FOXJ3: variants seen among roughly 807,000 people sequenced by gnomAD.
The protein encoded by FOXJ3 is forkhead box protein J3.
In FOXJ3, 22 loss-of-function variants were observed where a neutral mutation model predicts 76.1. The observed-to-expected ratio is 0.29, with a 90% confidence interval of 0.21 to 0.41. The LOEUF (loss-of-function observed/expected upper bound fraction) is 0.41. Among genes scored for constraint, FOXJ3 ranks in the 10% least tolerant of loss-of-function variants. The pLI, the probability that FOXJ3 is intolerant of heterozygous loss-of-function variation, is 1.00. For missense variants in FOXJ3, 613 were observed against 762.1 expected, an observed-to-expected ratio of 0.80 and a Z score of 2.30; for synonymous variants, 269 against 261.2, an observed-to-expected ratio of 1.03 and a Z score of -0.29.
At chr1:42,217,421 C>T (rs1193557274) in intron 5 of FOXJ3, among the ~76,000 whole-genome samples, 1 of 151,834 alleles carries the variant, frequency 6.6e-6, no homozygotes, top group East Asian at 1.9e-4. Flanking sequence ...CCCAGCTACT[C>T]GGGAGGCTGA....
intron 5 of FOXJ3, among the ~76,000 whole-genome samples, chr1:42,206,485 G>A (rs956679480): frequency 6.6e-6 from 1 of 152,160 alleles, no homozygotes; most frequent in African/African-American, 2.4e-5. Context: ...ACATCTGAAT[G>A]ACCCTGTGAA....
At chr1:42,261,920 CTCTCAAGGAAGACTGATAT>C (rs1651069906) in intron 4 of FOXJ3, among the ~76,000 whole-genome samples, 1 of 152,170 alleles carries the variant, frequency 6.6e-6, no homozygotes, top group South Asian at 2.1e-4. Context: ...TTTGGTCTCC[CTCTCAAGGAAGACTGATAT>C]CATGGAAAAA....
intron 1 of FOXJ3, among the ~76,000 whole-genome samples, chr1:42,329,973 T>C (rs1279581497): frequency 6.6e-6 from 1 of 152,204 alleles, no homozygotes; most frequent in African/African-American, 2.4e-5. Flanking sequence ...CCTGGCTCTT[T>C]CCATTCCTAG....
intron 1 of FOXJ3, among the ~76,000 whole-genome samples, chr1:42,314,104 A>T (rs2124763048): frequency 6.6e-6 from 1 of 152,298 alleles, no homozygotes; most frequent in South Asian, 2.1e-4. Context: ...TTGTTAGAGC[A>T]GACTAATTTT....
At chr1:42,217,087 A>G (rs1356870950) in intron 5 of FOXJ3, among the ~76,000 whole-genome samples, 1 of 152,236 alleles carries the variant, frequency 6.6e-6, no homozygotes, top group Non-Finnish European at 1.5e-5. Context: ...AACTGTCTCT[A>G]TTTGCAGATG....
At chr1:42,207,014 A>T (rs560104379) in intron 5 of FOXJ3, among the ~76,000 whole-genome samples, 1 of 152,158 alleles carries the variant, frequency 6.6e-6, no homozygotes, top group Admixed American at 6.5e-5. Context: ...TACTTTTAGT[A>T]GAGACAGGGT....
intron 4 of FOXJ3, among the ~76,000 whole-genome samples, chr1:42,230,565 G>A (rs1354314528): frequency 2.6e-5 from 4 of 152,250 alleles, no homozygotes; most frequent in Non-Finnish European, 4.4e-5. Flanking sequence ...ATAATTTTCT[G>A]CATGAAAACA....
In FOXJ3 at chr1:42,278,714, C is replaced by A. The variant is rs771581717; in HGVS notation, c.45-42G>T. 5 of 1,368,840 alleles carry A rather than the reference C, an allele frequency of 3.7e-6. No individual in the cohort carries two copies. The Admixed American group carries it at 6.1e-5, about 17-fold the overall frequency. The allele number at this position is 1,368,840 out of a possible 1,614,324, so 84.8% of individuals were successfully genotyped here. A position where few individuals can be genotyped will look rare whatever the true frequency, so the allele number is the denominator to read the frequency against. ...TCCTTAGTCAATATCAAGGAAAGAA[C>A]CCCTGCTTCTCAAAATATCCAATAT... On this transcript the variant is annotated intron_variant, in intron 2 of 12. Coordinates refer to ENST00000361346, the MANE Select transcript of FOXJ3 (RefSeq NM_014947.5).
At chr1:42,319,679 C>T (rs929965726) in intron 1 of FOXJ3, among the ~76,000 whole-genome samples, 5 of 152,114 alleles carry the variant, frequency 3.3e-5, no homozygotes, top group Non-Finnish European at 5.9e-5. Flanking sequence ...TATATCTCAA[C>T]AAAGCAGTTA....
intron 3 of FOXJ3, among the ~76,000 whole-genome samples, chr1:42,271,140 G>GT (rs1351973039): frequency 2.0e-5 from 3 of 151,938 alleles, no homozygotes; most frequent in Admixed American, 6.6e-5. Context: ...TGATTTCTTT[G>GT]TAACTATTTT....
intron 2 of FOXJ3, among the ~76,000 whole-genome samples, chr1:42,288,795 T>A (rs1653230113): frequency 6.6e-6 from 1 of 152,082 alleles, no homozygotes; most frequent in African/African-American, 2.4e-5. Flanking sequence ...GAGATGAGAA[T>A]CCAGCTGTCT....
intron 1 of FOXJ3, among the ~76,000 whole-genome samples, chr1:42,330,134 G>T (rs1181626143): frequency 6.6e-6 from 1 of 152,150 alleles, no homozygotes; most frequent in African/African-American, 2.4e-5. Context: ...ATTAAGGGTT[G>T]TAAGATATGG....
rs375042688 is a variant in FOXJ3, at chr1:42,199,176, T to C, written c.685A>G (p.Asn229Asp). The C allele has an allele frequency of 6.8e-6, 11 of 1,612,986 alleles. No homozygotes were observed. In the African/African-American group the frequency reaches 8.0e-5, roughly 12 times the overall value. The change falls in exon 7 of 13, where the codon AAC (asparagine) becomes GAC (aspartate). Residue 229 changes from asparagine to aspartate, a missense_variant. Asn to Asp is a conservative substitution (Grantham distance 23). Coordinates refer to ENST00000361346, the MANE Select transcript of FOXJ3 (RefSeq NM_014947.5). ...AAACTCTGGTCTGAGAGACTGTTGT[T>C]AAGGCTACTGCGTGGGCTATCACTA... ...DGSDSPRSSLNNSLSDQSLAS... is the reference protein window; with the variant it reads ...DGSDSPRSSLDNSLSDQSLAS...
intron 9 of FOXJ3, 176 bp from the exon 10 acceptor site, chr1:42,189,580 G>A (rs115634531): frequency 3.9e-5 from 20 of 517,384 alleles, no homozygotes; most frequent in Non-Finnish European, 6.6e-5. Context: ...CAGGCAGAAA[G>A]GTATTATTTC....
chr1:42,244,791 G>C (rs891367495), intron 4 of FOXJ3, among the ~76,000 whole-genome samples: 1 of 152,024 alleles, frequency 6.6e-6, no homozygotes, highest in Admixed American at 6.5e-5. Flanking sequence ...GAGAGGAAAT[G>C]AATAAATTCA....
intron 4 of FOXJ3, among the ~76,000 whole-genome samples, chr1:42,254,943 A>C (rs1306833812): frequency 6.6e-6 from 1 of 152,044 alleles, no homozygotes; most frequent in East Asian, 1.9e-4. Flanking sequence ...GTGCACATGT[A>C]CCCTAAAACT....
intron 3 of FOXJ3, among the ~76,000 whole-genome samples, chr1:42,268,180 A>C (rs143127413): frequency 3.3e-4 from 50 of 152,234 alleles, no homozygotes; most frequent in Non-Finnish European, 5.3e-4. Context: ...AAAGGGCTAA[A>C]AATCAAAAAA....
At chr1:42,259,677 T>C (rs148601767) in intron 4 of FOXJ3, among the ~76,000 whole-genome samples, 2 of 152,370 alleles carry the variant, frequency 1.3e-5, no homozygotes, top group East Asian at 1.9e-4. Context: ...GTTTGTCTAA[T>C]GGAATGCCTC....
At chr1:42,180,136 T>C (rs1282268414) in intron 12 of FOXJ3, among the ~76,000 whole-genome samples, 1 of 152,180 alleles carries the variant, frequency 6.6e-6, no homozygotes, top group Non-Finnish European at 1.5e-5. Flanking sequence ...AGTGCCAATG[T>C]AGCCACTGCT....
Sources: gnomAD v4.1 joint callset for allele counts (sites outside exome capture counted in the v4.1 genomes callset) on GRCh38, gnomAD v4.1.1 for gene constraint, MANE v1.5 for transcripts, NCBI Gene and HGNC (gene_info 2026-07-23, HGNC 2026-07-21) for gene names.